Variants in CUX1 observed in about 807,000 individuals in gnomAD.
The protein encoded by CUX1 is cut like homeobox 1, also known as protein CASP.
A neutral mutation model predicts 158.8 loss-of-function variants in CUX1; 31 were observed. That is an observed-to-expected ratio of 0.20 (90% confidence interval 0.15 to 0.26). CUX1 has a LOEUF of 0.26. Among genes scored for constraint, CUX1 ranks in the 10% least tolerant of loss-of-function variants. CUX1 has a pLI of 1.00. For synonymous variants in CUX1, 879 were observed against 862.1 expected, an observed-to-expected ratio of 1.02 and a Z score of -0.34; for missense variants, 1,589 against 2,014.6, an observed-to-expected ratio of 0.79 and a Z score of 4.04.
In CUX1 at chr7:102,195,455, G is replaced by T. The variant is rs564727145; in HGVS notation, c.1126-52G>T. 8 of 1,473,128 alleles carry T rather than the reference G, an allele frequency of 5.4e-6. No homozygotes were observed. The African/African-American group carries it at 5.5e-5, about 10-fold the overall frequency. 91.3% of individuals were successfully genotyped at this position (1,473,128 alleles called of 1,614,324 possible). A position where few individuals can be genotyped will look rare whatever the true frequency, so the allele number is the denominator to read the frequency against. Reference sequence around the variant, plus strand: ...AGGGCTCCAGGCCTGGTGGCCCCGGGAGCGGGTGAGTGGCCGGCCCCGCAG... The same window carrying T: ...AGGGCTCCAGGCCTGGTGGCCCCGGTAGCGGGTGAGTGGCCGGCCCCGCAG... On this transcript the variant is annotated intron_variant, in intron 13 of 23. Transcript: ENST00000292535.
chr7:102,121,192 G>T lies in CUX1; in HGVS notation c.674+5919G>T, dbSNP rs529270562. Among the ~76,000 whole-genome samples, 7 of 152,236 alleles carry T rather than the reference G, an allele frequency of 4.6e-5. No individual in the cohort carries two copies. The South Asian group carries it at 1.5e-3, about 32-fold the overall frequency. ...TTTTATTTTTTATTTTTTTGAGATA[G>T]GGTCTCTGTTAGTTATTCAGGCTGG... On this transcript the variant is annotated intron_variant, in intron 8 of 23. Coordinates refer to ENST00000292535, the MANE Select transcript of CUX1 (RefSeq NM_181552.4).
intron 2 of CUX1, among the ~76,000 whole-genome samples, chr7:101,958,420 T>G (rs1810025524): frequency 6.6e-6 from 1 of 151,694 alleles, no homozygotes; most frequent in Non-Finnish European, 1.5e-5. Flanking sequence ...GAGATGGAAC[T>G]TGGTTCAGTG....
chr7:101,990,480 G>A (rs1057347322), intron 2 of CUX1, among the ~76,000 whole-genome samples: 3 of 152,034 alleles, frequency 2.0e-5, no homozygotes, highest in African/African-American at 4.8e-5. Context: ...GGGTTCAAGC[G>A]ATTCTCCTGC....
intron 3 of CUX1, among the ~76,000 whole-genome samples, chr7:102,034,015 A>G (rs1048532954): frequency 1.1e-4 from 16 of 151,584 alleles, no homozygotes; most frequent in African/African-American, 3.9e-4. Flanking sequence ...GAGTGGTGGC[A>G]GGCACCTGTA....
intron 23 of CUX1, among the ~76,000 whole-genome samples, chr7:102,242,205 CTTTT>C (rs67514665): frequency 6.4e-5 from 6 of 93,030 alleles, no homozygotes; most frequent in Admixed American, 1.4e-4. Flanking sequence ...TTCTTTCTTT[CTTTT>C]TTTTTTTTTT....
rs781827870 is a variant in CUX1 at position 102,227,716 on chromosome 7, G to T, written c.3433+47G>T. 4.4e-5 allele frequency: 69 copies of T among 1,567,650 alleles called. 1 individual carries two copies. The Middle Eastern group carries it at 1.4e-3, about 32-fold the overall frequency. On this transcript the variant is annotated intron_variant, in intron 21 of 23. Transcript: ENST00000292535. Reference sequence around the variant, plus strand: ...TGAGTCAGGAGGTGGCAGGGAGTTTGCAGGAGGAGCAGGTGAAGGGCGGGC... The same window carrying T: ...TGAGTCAGGAGGTGGCAGGGAGTTTTCAGGAGGAGCAGGTGAAGGGCGGGC...
intron 14 of CUX1, among the ~76,000 whole-genome samples, chr7:102,271,766 A>T (rs1268800255): frequency 2.6e-5 from 4 of 152,218 alleles, no homozygotes; most frequent in Non-Finnish European, 5.9e-5. Flanking sequence ...GCGGTGGCTC[A>T]CGCCTGTAAT....
At chr7:101,894,173 G>A (rs559510467) in intron 1 of CUX1, among the ~76,000 whole-genome samples, 5 of 152,268 alleles carry the variant, frequency 3.3e-5, no homozygotes, top group African/African-American at 1.2e-4. Flanking sequence ...TCTTATGTAG[G>A]GATTTGGTGG....
intron 7 of CUX1, among the ~76,000 whole-genome samples, chr7:102,112,687 C>G (rs1010703187): frequency 3.3e-5 from 5 of 151,972 alleles, no homozygotes; most frequent in Non-Finnish European, 7.4e-5. Context: ...CCTCCCACCT[C>G]AGCCTCCCCA....
intron 20 of CUX1, among the ~76,000 whole-genome samples, chr7:102,225,160 T>TA (rs782603854): frequency 2.0e-5 from 3 of 152,196 alleles, no homozygotes; most frequent in East Asian, 1.9e-4. Context: ...TTCTGCCTCT[T>TA]ACGCTTGTCT....
In CUX1 at chr7:102,176,558, CTTTTTTTTTT is replaced by C. The variant is rs60973137; in HGVS notation, c.829-1893_829-1884del. Among the ~76,000 whole-genome samples, 78 of 86,764 alleles carry C rather than the reference CTTTTTTTTTT, an allele frequency of 9.0e-4. 2 individuals carry two copies. In the South Asian group the frequency reaches 0.021, roughly 23 times the overall value. The allele number at this position is 86,764 out of a possible 152,430, so 56.9% of individuals were successfully genotyped here. A position where few individuals can be genotyped will look rare whatever the true frequency, so the allele number is the denominator to read the frequency against. ...CAGAATCTTTCAGGAGCCAGGATTC[CTTTTTTTTTT>C]TTTTTTTTTTTTTTTTTGCTTTGAC... is the stretch of plus-strand genomic sequence containing the variant. On this transcript the variant is annotated intron_variant, in intron 10 of 23. Transcript: ENST00000292535.
intron 1 of CUX1, among the ~76,000 whole-genome samples, chr7:101,846,920 C>T (rs1477102842): frequency 3.3e-5 from 5 of 151,862 alleles, no homozygotes; most frequent in South Asian, 2.1e-4. Flanking sequence ...TAACTTGAGG[C>T]CAGGAATTCA....
chr7:101,978,704 C>T (rs1813029848), intron 2 of CUX1, among the ~76,000 whole-genome samples: 1 of 152,260 alleles, frequency 6.6e-6, no homozygotes, highest in Admixed American at 6.5e-5. Flanking sequence ...CGGTCTTCAC[C>T]CTTGAACCTG....
At chr7:101,971,865 A>G (rs1434616646) in intron 2 of CUX1, among the ~76,000 whole-genome samples, 1 of 152,224 alleles carries the variant, frequency 6.6e-6, no homozygotes, top group Non-Finnish European at 1.5e-5. Flanking sequence ...AAGACAAGAG[A>G]ATTACAGGCC....
chr7:102,194,019 C>A, intron 13 of CUX1, 129 bp downstream of exon 13: 3 of 881,882 alleles, frequency 3.4e-6, no homozygotes, highest in Non-Finnish European at 5.4e-6. Context: ...AGTCATACTT[C>A]AAGAACATTT....
At chr7:101,986,350 GTATTTATTTAGAATACAAGGCTCTTTT>G (rs1180709874) in intron 2 of CUX1, among the ~76,000 whole-genome samples, 4 of 152,190 alleles carry the variant, frequency 2.6e-5, no homozygotes, top group African/African-American at 9.7e-5. Flanking sequence ...TTCAAGATAT[GTATTTATTTAGAATACAAGGCTCTTTT>G]CCATAAGGAA....
chr7:102,130,516 A>C (rs979279005), intron 8 of CUX1, among the ~76,000 whole-genome samples: 14 of 152,140 alleles, frequency 9.2e-5, no homozygotes, highest in African/African-American at 3.4e-4. Flanking sequence ...CCCCATCTCT[A>C]CTAAAAACAC....
chr7:101,824,184 T>C (rs537937995), intron 1 of CUX1, among the ~76,000 whole-genome samples: 11 of 152,274 alleles, frequency 7.2e-5, no homozygotes, highest in Middle Eastern at 3.4e-3. Context: ...ACCTCCCAGG[T>C]TCAAGTGATT....
rs139320190 is a variant in CUX1 at position 102,036,611 on chromosome 7, G to A, written c.189+8466G>A. 3.9e-4 allele frequency among the ~76,000 whole-genome samples: 60 copies of A among 152,156 alleles called. No individual in the cohort carries two copies. The East Asian group carries it at 0.01, about 26-fold the overall frequency. On this transcript the variant is annotated intron_variant, in intron 3 of 23. Coordinates refer to ENST00000292535, the MANE Select transcript of CUX1 (RefSeq NM_181552.4). The stretch of plus-strand genomic sequence containing the variant: ...ACAAAAATCAGCCTGGTGTGGTCAC[G>A]TGCTCCTGTAGTCCCAGCTACTTGA...
Sources: gnomAD v4.1 joint callset for allele counts (sites outside exome capture counted in the v4.1 genomes callset) on GRCh38, gnomAD v4.1.1 for gene constraint, MANE v1.5 for transcripts, NCBI Gene and HGNC (gene_info 2026-07-23, HGNC 2026-07-21) for gene names.